L3MBTL4: variants seen among roughly 807,000 people sequenced by gnomAD.
L3MBTL4 encodes L3MBTL histone methyl-lysine binding protein 4, also known as lethal(3)malignant brain tumor-like protein 4.
In L3MBTL4, 70 loss-of-function variants were observed where a neutral mutation model predicts 84.5. The observed-to-expected ratio is 0.83, with a 90% CI of 0.68 to 1.01. The LOEUF is 1.01. Ranked by LOEUF, L3MBTL4 falls within the 50% of genes least tolerant of loss-of-function variation. L3MBTL4 has a pLI of 0.00. For missense variants in L3MBTL4, 715 were observed against 754.8 expected (o/e 0.95, Z 0.62); for synonymous variants, 274 against 259.8 (o/e 1.05, Z -0.52).
At chr18:6,389,728 C>A (rs341211) in intron 1 of L3MBTL4, among the ~76,000 whole-genome samples, 78,537 of 151,920 alleles carry the variant, frequency 0.52, 20,364 homozygotes, top group East Asian at 0.59. Flanking sequence ...TAATGATAAA[C>A]GGACTAGTCC....
chr18:6,262,436 C>T (rs2048447639), intron 5 of L3MBTL4, among the ~76,000 whole-genome samples: 1 of 152,166 alleles, frequency 6.6e-6, no homozygotes, highest in African/African-American at 2.4e-5. Flanking sequence ...TGAGCTTGCA[C>T]CTTTTGATGG....
intron 17 of L3MBTL4, among the ~76,000 whole-genome samples, chr18:5,964,585 C>T (rs1237529541): frequency 6.6e-6 from 1 of 152,180 alleles, no homozygotes; most frequent in Non-Finnish European, 1.5e-5. Context: ...TCAAATCACC[C>T]CTTCCTGTGT....
intron 13 of L3MBTL4, among the ~76,000 whole-genome samples, chr18:6,163,258 GT>G (rs1341221372): frequency 0.012 from 1,011 of 86,380 alleles, 60 homozygotes; most frequent in East Asian, 0.085. Context: ...GTGTGTGTGT[GT>G]GGGGGGGGGG....
chr18:6,033,168 G>T (rs985559701), intron 16 of L3MBTL4, among the ~76,000 whole-genome samples: 1 of 151,978 alleles, frequency 6.6e-6, no homozygotes, highest in East Asian at 1.9e-4. Flanking sequence ...CTGTTATTAG[G>T]TGCACAAATG....
chr18:6,179,561 C>T (rs540949461), intron 12 of L3MBTL4, among the ~76,000 whole-genome samples: 11 of 152,272 alleles, frequency 7.2e-5, no homozygotes, highest in South Asian at 4.1e-4. Flanking sequence ...ATGCTTGCAC[C>T]GTGCCTTTAC....
intron 16 of L3MBTL4, among the ~76,000 whole-genome samples, chr18:6,015,534 C>G (rs1416343273): frequency 6.6e-6 from 1 of 152,086 alleles, no homozygotes. Flanking sequence ...CTCTAGGAAT[C>G]TTTGTTGACT....
At chr18:5,981,314 T>G (rs994032974) in intron 16 of L3MBTL4, among the ~76,000 whole-genome samples, 6 of 152,190 alleles carry the variant, frequency 3.9e-5, no homozygotes, top group Non-Finnish European at 1.5e-5. Context: ...TCTTTAAAAA[T>G]TATTAGAACT....
chr18:5,965,693 T>G (rs999656590), intron 17 of L3MBTL4, among the ~76,000 whole-genome samples: 7 of 152,226 alleles, frequency 4.6e-5, no homozygotes, highest in Middle Eastern at 3.4e-3. Context: ...AAGCCCCCAT[T>G]TTCAACCCAT....
chr18:6,032,869 A>T (rs975576824), intron 16 of L3MBTL4, among the ~76,000 whole-genome samples: 1 of 152,156 alleles, frequency 6.6e-6, no homozygotes, highest in African/African-American at 2.4e-5. Context: ...ATATGTGCAA[A>T]TTGCCTTCCT....
intron 1 of L3MBTL4, among the ~76,000 whole-genome samples, chr18:6,325,206 A>G (rs2051653168): frequency 6.6e-6 from 1 of 152,254 alleles, no homozygotes; most frequent in Non-Finnish European, 1.5e-5. Flanking sequence ...AATGAAAACA[A>G]TTATCAACAG....
At chr18:6,367,747 GACC>G (rs2144127331) in intron 1 of L3MBTL4, 1 of 152,400 alleles carries the variant, frequency 6.6e-6, no homozygotes, top group South Asian at 2.1e-4. Context: ...GATTTCCCAT[GACC>G]ACTAGGAAGG....
At chr18:6,166,891 G>A (rs1057035957) in intron 13 of L3MBTL4, among the ~76,000 whole-genome samples, 1 of 152,120 alleles carries the variant, frequency 6.6e-6, no homozygotes, top group Admixed American at 6.5e-5. Context: ...TCCAGGAGCT[G>A]GATTTTTGAA....
intron 16 of L3MBTL4, among the ~76,000 whole-genome samples, chr18:6,003,317 G>T (rs561425795): frequency 2.0e-5 from 3 of 151,420 alleles, no homozygotes; most frequent in African/African-American, 7.2e-5. Flanking sequence ...AAACAGAAGG[G>T]TGTGATATAT....
At chr18:6,166,325 G>A (rs923048250) in intron 13 of L3MBTL4, among the ~76,000 whole-genome samples, 43 of 152,036 alleles carry the variant, frequency 2.8e-4, no homozygotes, top group African/African-American at 9.9e-4. Flanking sequence ...TGCACCAAGC[G>A]GACCTAATAG....
chr18:6,129,368 C>CTCTGTGTGTG (rs1555663722), intron 14 of L3MBTL4, among the ~76,000 whole-genome samples: 9 of 138,302 alleles, frequency 6.5e-5, no homozygotes, highest in South Asian at 2.4e-4. Flanking sequence ...GGAATTCTCT[C>CTCTGTGTGTG]TGTGTGTGTG....
chr18:6,030,720 C>T (rs369585585), intron 16 of L3MBTL4: 25 of 974,916 alleles, frequency 2.6e-5, no homozygotes, highest in Middle Eastern at 5.3e-4. Flanking sequence ...TAGTTTAATG[C>T]TATCTCCATT....
intron 1 of L3MBTL4, among the ~76,000 whole-genome samples, chr18:6,332,136 C>T (rs751397180): frequency 2.0e-5 from 3 of 152,136 alleles, no homozygotes; most frequent in Non-Finnish European, 4.4e-5. Context: ...ATCAGCTTCT[C>T]ACCCTTCAGG....
In L3MBTL4 at chr18:6,222,817, G is replaced by A. The variant is rs560706217; in HGVS notation, c.785-6982C>T. ...TCCTCTGAACTCTTACCTTCCTTAT[G>A]CCAACAGAATCTATCTATAGAAACT... is the stretch of plus-strand genomic sequence containing the variant. On this transcript the variant is annotated intron_variant, in intron 10 of 18. Transcript: ENST00000317931. Among the ~76,000 whole-genome samples the A allele has an allele frequency of 2.8e-4, 42 of 151,598 alleles. 1 individual carries two copies. The East Asian group carries it at 8.0e-3, about 29-fold the overall frequency.
intron 14 of L3MBTL4, among the ~76,000 whole-genome samples, chr18:6,099,218 T>C (rs1329391579): frequency 6.6e-6 from 1 of 152,192 alleles, no homozygotes; most frequent in Non-Finnish European, 1.5e-5. Context: ...AGAACTGTAT[T>C]GTCTTTAGTA....
Sources: allele counts gnomAD v4.1 joint callset (sites outside exome capture counted in the v4.1 genomes callset), GRCh38; gene constraint gnomAD v4.1.1; transcripts MANE v1.5; gene names NCBI Gene and HGNC (gene_info 2026-07-23, HGNC 2026-07-21).